CLEC16A: variants seen among roughly 807,000 people sequenced by gnomAD.
CLEC16A encodes protein CLEC16A.
In CLEC16A, 51 loss-of-function variants were observed where a neutral mutation model predicts 109.5. The observed-to-expected ratio is 0.47, with a 90% CI of 0.37 to 0.59. The LOEUF (loss-of-function observed/expected upper bound fraction) is 0.59, where lower values mean the gene tolerates loss of function less well. Ranked by LOEUF, CLEC16A falls within the 20% of genes least tolerant of loss-of-function variation. The probability of loss-of-function intolerance (pLI) is 0.00; values close to 1 mark genes in which losing one functional copy is unlikely to be tolerated. For synonymous variants in CLEC16A, 673 were observed against 564.2 expected (o/e 1.19, Z -2.73); for missense variants, 1,339 against 1,394.0 (o/e 0.96, Z 0.63).
chr16:11,149,887 C>G (rs150340081), intron 22 of CLEC16A: 5 of 151,508 alleles, frequency 3.3e-5, no homozygotes, highest in African/African-American at 9.8e-5. Flanking sequence ...TTTTTCCAGA[C>G]CCTTCTCTGT....
At chr16:11,055,076 C>T (rs1174909585) in intron 18 of CLEC16A, among the ~76,000 whole-genome samples, 2 of 152,054 alleles carry the variant, frequency 1.3e-5, no homozygotes, top group Non-Finnish European at 2.9e-5. Context: ...TTCATAGATT[C>T]ATCAAAGAGC....
chr16:11,109,196 C>G (rs1299625061), intron 19 of CLEC16A, among the ~76,000 whole-genome samples: 10 of 149,232 alleles, frequency 6.7e-5, no homozygotes, highest in South Asian at 2.1e-4. Flanking sequence ...GATGGAGTCT[C>G]ACTCTGTCAC....
At chr16:11,055,473 G>C (rs1489346754) in intron 18 of CLEC16A, among the ~76,000 whole-genome samples, 2 of 147,918 alleles carry the variant, frequency 1.4e-5, no homozygotes, top group Non-Finnish European at 3.0e-5. Context: ...AAGGAGCATA[G>C]TTAAGTGAGG....
chr16:11,082,717 TC>T (rs1221953226), intron 19 of CLEC16A, among the ~76,000 whole-genome samples: 2 of 152,198 alleles, frequency 1.3e-5, no homozygotes, highest in African/African-American at 4.8e-5. Flanking sequence ...AACGCTTTCT[TC>T]CTTTAAGGCC....
At chr16:11,153,143 C>T (rs1041550750) in intron 22 of CLEC16A, among the ~76,000 whole-genome samples, 5 of 152,066 alleles carry the variant, frequency 3.3e-5, no homozygotes, top group South Asian at 4.2e-4. Flanking sequence ...CATTTCAGAG[C>T]GCTGTGTTTG....
intron 10 of CLEC16A, among the ~76,000 whole-genome samples, chr16:10,989,159 C>G (rs2043847735): frequency 6.6e-6 from 1 of 152,166 alleles, no homozygotes; most frequent in South Asian, 2.1e-4. Flanking sequence ...ATACTGTGCT[C>G]TCCATTCAGC....
At chr16:11,125,745 G>T (rs943846889) in intron 21 of CLEC16A, among the ~76,000 whole-genome samples, 2 of 152,160 alleles carry the variant, frequency 1.3e-5, no homozygotes, top group African/African-American at 4.8e-5. Flanking sequence ...TTTCTCCTTG[G>T]TCTCAACCTT....
chr16:11,003,075 C>G lies in CLEC16A; in HGVS notation c.1073C>G (p.Ala358Gly). Reference protein sequence around the residue: ...KTEQDIQRSSAKPSIRCFIKP... With the variant: ...KTEQDIQRSSGKPSIRCFIKP... ...GTTGCCTTCGTTGGACTTTCCTAGGCCAAGCCCAGCATTCGGTGCTTCATT... is the reference window on the plus strand; with the variant it reads ...GTTGCCTTCGTTGGACTTTCCTAGGGCAAGCCCAGCATTCGGTGCTTCATT... The change falls in exon 11 of 24, where the codon GCC becomes GGC. Residue 358 changes from alanine (A) to glycine (G), a missense_variant and splice_region_variant. Physicochemically the swap from Ala to Gly is moderately conservative, Grantham distance 60. Coordinates refer to ENST00000409790, the MANE Select transcript of CLEC16A (RefSeq NM_015226.3). 2 of 1,608,748 alleles carry G rather than the reference C, an allele frequency of 1.2e-6. No homozygotes were observed. The highest frequency in any genetic ancestry group is 1.7e-6 in the Non-Finnish European group (2 of 1,178,074).
chr16:10,969,350 CACGTGGCTTTTTTTTTTTTTTTTT>C (rs774010956), intron 4 of CLEC16A, 41 bp downstream of exon 4: 1 of 1,415,372 alleles, frequency 7.1e-7, no homozygotes, highest in African/African-American at 1.5e-5. Flanking sequence ...TGTAAAGCCA[CACGTGGCTTTTTTTTTTTTTTTTT>C]ACGGCAGCGC....
intron 11 of CLEC16A, among the ~76,000 whole-genome samples, chr16:11,013,980 T>C (rs891414716): frequency 1.3e-5 from 2 of 152,146 alleles, no homozygotes; most frequent in Non-Finnish European, 2.9e-5. Context: ...TTGGATTCTT[T>C]TTTAAAATTT....
intron 9 of CLEC16A, among the ~76,000 whole-genome samples, chr16:10,980,467 G>C (rs2043259967): frequency 6.6e-6 from 1 of 151,960 alleles, no homozygotes; most frequent in African/African-American, 2.4e-5. Flanking sequence ...AAGCAAGCCA[G>C]TTCTCAGCCC....
intron 13 of CLEC16A, among the ~76,000 whole-genome samples, chr16:11,036,544 C>CCTT (rs2047029877): frequency 1.5e-5 from 2 of 131,902 alleles, no homozygotes; most frequent in African/African-American, 5.9e-5. Context: ...TCTAATTTTC[C>CCTT]TTTTTTTTTT....
intron 22 of CLEC16A, among the ~76,000 whole-genome samples, chr16:11,141,232 T>C (rs1432198276): frequency 1.3e-5 from 2 of 152,132 alleles, no homozygotes; most frequent in Non-Finnish European, 2.9e-5. Flanking sequence ...ACCAGGCAGG[T>C]AGAGTTCTGA....
chr16:11,165,146 A>G (rs2068202773), intron 22 of CLEC16A, among the ~76,000 whole-genome samples: 1 of 152,068 alleles, frequency 6.6e-6, no homozygotes, highest in African/African-American at 2.4e-5. Context: ...GCACATGTCC[A>G]CCAGAAGAGG....
At chr16:11,074,698 T>A (rs2049253040) in intron 19 of CLEC16A, among the ~76,000 whole-genome samples, 1 of 152,262 alleles carries the variant, frequency 6.6e-6, no homozygotes, top group South Asian at 2.1e-4. Context: ...ACCTAATGAC[T>A]GTGCCCTCTT....
chr16:11,089,422 G>C (rs2050184561), intron 19 of CLEC16A, among the ~76,000 whole-genome samples: 2 of 152,166 alleles, frequency 1.3e-5, no homozygotes, highest in African/African-American at 2.4e-5. Context: ...CCATGTTACA[G>C]AACGCTGAGG....
chr16:11,040,040 C>A, intron 14 of CLEC16A, 164 bp downstream of exon 14: 1 of 809,156 alleles, frequency 1.2e-6, no homozygotes, highest in Non-Finnish European at 1.8e-6. Flanking sequence ...GCCAGCCCTC[C>A]TGCCTGCTGG....
At chr16:11,173,296 A>G (rs1356279513) in intron 23 of CLEC16A, among the ~76,000 whole-genome samples, 1 of 152,154 alleles carries the variant, frequency 6.6e-6, no homozygotes, top group Admixed American at 6.5e-5. Context: ...TGTATAGTCC[A>G]GTGGCATCTA....
chr16:11,055,575 C>G (rs370817687), intron 18 of CLEC16A, among the ~76,000 whole-genome samples: 5 of 41,762 alleles, frequency 1.2e-4, no homozygotes, highest in Admixed American at 6.3e-4. Flanking sequence ...TTCCCTCTTG[C>G]TTTTTTTTTT....
Sources: gnomAD v4.1 joint callset for allele counts (sites outside exome capture counted in the v4.1 genomes callset) on GRCh38, gnomAD v4.1.1 for gene constraint, MANE v1.5 for transcripts, NCBI Gene and HGNC (gene_info 2026-07-23, HGNC 2026-07-21) for gene names.